Variants in MAP2K4 observed in about 807,000 individuals in gnomAD.
The protein encoded by MAP2K4 is mitogen-activated protein kinase kinase 4.
Under a neutral mutation model 48.5 loss-of-function variants are expected in MAP2K4, and 4 were observed. That is an observed-to-expected ratio of 0.08 (90% CI 0.04 to 0.19). The LOEUF is 0.19. Ranked by LOEUF, MAP2K4 falls within the 10% of genes least tolerant of loss-of-function variation. The pLI is 1.00. For synonymous variants in MAP2K4, 166 were observed against 173.1 expected (o/e 0.96, Z 0.32); for missense variants, 258 against 493.3 (o/e 0.52, Z 4.52).
intron 1 of MAP2K4, among the ~76,000 whole-genome samples, chr17:12,023,872 GGC>G (rs1969172126): frequency 6.6e-6 from 1 of 152,154 alleles, no homozygotes; most frequent in African/African-American, 2.4e-5. Flanking sequence ...CCTCCCCGGT[GGC>G]TTTGAGAATG....
intron 1 of MAP2K4, among the ~76,000 whole-genome samples, chr17:12,041,569 A>G (rs557870497): frequency 2.0e-5 from 3 of 152,312 alleles, no homozygotes; most frequent in East Asian, 3.9e-4. Flanking sequence ...ATGAAATTCT[A>G]TTGTTAGCAT....
chr17:12,089,210 C>T (rs1971483887), intron 3 of MAP2K4, among the ~76,000 whole-genome samples: 1 of 152,152 alleles, frequency 6.6e-6, no homozygotes. Flanking sequence ...CCCTGCCTGG[C>T]TCAGAATACA....
At position 12,076,880 on chromosome 17, in the gene MAP2K4, T is replaced by G. The variant is rs201530069; in HGVS notation, c.219-4476T>G. Among the ~76,000 whole-genome samples, 299 of 152,176 alleles carry G rather than the reference T, an allele frequency of 2.0e-3. 4 individuals carry two copies. Among genetic ancestry groups the G allele is most frequent in the East Asian group, 7.7e-4 (4 of 5,174 alleles). On this transcript the variant is annotated intron_variant, in intron 2 of 10. Transcript: ENST00000353533. ...TTTTGTGTGTGTGTGTGTGTATTTT[T>G]TGTGTGTGTATCTTAATCAAATTGT... is the stretch of plus-strand genomic sequence containing the variant.
At chr17:12,131,921 A>G (rs949514506) in intron 9 of MAP2K4, among the ~76,000 whole-genome samples, 5 of 152,180 alleles carry the variant, frequency 3.3e-5, no homozygotes, top group Non-Finnish European at 7.3e-5. Flanking sequence ...ATAGCAAAAT[A>G]CTTGAAAGGC....
At chr17:12,083,136 A>G (rs912406498) in intron 3 of MAP2K4, among the ~76,000 whole-genome samples, 1 of 152,218 alleles carries the variant, frequency 6.6e-6, no homozygotes, top group East Asian at 1.9e-4. Flanking sequence ...TGTGTGCTTC[A>G]ACTTTGTTGA....
intron 2 of MAP2K4, among the ~76,000 whole-genome samples, chr17:12,074,112 T>A (rs915073750): frequency 2.0e-5 from 3 of 152,166 alleles, no homozygotes; most frequent in African/African-American, 7.2e-5. Context: ...GATTTGGTTA[T>A]TTTTTCTGTC....
chr17:12,114,301 A>C (rs1972408065), intron 7 of MAP2K4, among the ~76,000 whole-genome samples: 1 of 152,128 alleles, frequency 6.6e-6, no homozygotes, highest in Non-Finnish European at 1.5e-5. Context: ...TGCTACTACA[A>C]ATTCAACTTA....
chr17:12,078,836 A>G (rs1018730402), intron 2 of MAP2K4, among the ~76,000 whole-genome samples: 1 of 152,138 alleles, frequency 6.6e-6, no homozygotes, highest in Admixed American at 6.5e-5. Context: ...CCAGTGCTGT[A>G]TCTGTGTATA....
intron 2 of MAP2K4, among the ~76,000 whole-genome samples, chr17:12,074,075 T>C (rs12051595): frequency 0.88 from 134,633 of 152,226 alleles, 61,887 homozygotes; most frequent in East Asian, 1. Context: ...CCTGGCCTCT[T>C]GTTGTAGTTT....
rs538591155 is a variant in MAP2K4, at chr17:12,089,102, C to T, written c.394-6473C>T. Among the ~76,000 whole-genome samples the T allele has an allele frequency of 1.7e-3, 253 of 151,940 alleles. 1 individual carries two copies. Among genetic ancestry groups the T allele is most frequent in the Non-Finnish European group, 2.5e-3 (172 of 67,934 alleles). On this transcript the variant is annotated intron_variant, in intron 3 of 10. Coordinates refer to ENST00000353533, the MANE Select transcript of MAP2K4 (RefSeq NM_003010.4). Reference sequence around the variant, plus strand: ...AATTTTTTTGTATTTTTAGTAGAGACGGGGTTTCACCGTGTTAGCCAGGAT... The same window carrying T: ...AATTTTTTTGTATTTTTAGTAGAGATGGGGTTTCACCGTGTTAGCCAGGAT...
At chr17:12,129,641 AC>A (rs1288122048) in intron 9 of MAP2K4, among the ~76,000 whole-genome samples, 1 of 152,218 alleles carries the variant, frequency 6.6e-6, no homozygotes, top group Non-Finnish European at 1.5e-5. Context: ...CACCAAAATC[AC>A]CTGGAAGCAT....
rs111979169 is a variant in MAP2K4 at position 12,039,768 on chromosome 17, T to C, written c.116-15121T>C. Among the ~76,000 whole-genome samples, 1,163 of 152,342 alleles carry C rather than the reference T, an allele frequency of 7.6e-3. 12 individuals carry two copies. Among genetic ancestry groups the C allele is most frequent in the African/African-American group, 0.025 (1,044 of 41,598 alleles). ...AGGTATGTGCACACATTGTGTTTGG[T>C]TGATATGTCTCTTAAGTTTCTTTAA... On this transcript the variant is annotated intron_variant, in intron 1 of 10. Transcript: ENST00000353533.
Position 12,110,425 on chromosome 17 carries a change from A to G in MAP2K4, c.684A>G (p.Arg228=). Residue 228 remains arginine (R), a splice_region_variant and synonymous_variant, in exon 6 of 11, where the codon AGA becomes AGG. Coordinates refer to ENST00000353533, the MANE Select transcript of MAP2K4 (RefSeq NM_003010.4). ...HLKENLKIIH[R]DIKPSNILLD... Reference sequence around the variant, plus strand: ...AAGAAAACTTGAAAATTATTCACAGAGGTGGGTATGGATTGGTATTTTTTG... The same window carrying G: ...AAGAAAACTTGAAAATTATTCACAGGGGTGGGTATGGATTGGTATTTTTTG... 1.2e-6 allele frequency: 2 copies of G among 1,605,764 alleles called. No individual in the cohort carries two copies. Among genetic ancestry groups the G allele is most frequent in the Non-Finnish European group, 1.7e-6 (2 of 1,173,048 alleles).
At position 12,131,620 on chromosome 17, in the gene MAP2K4, A is replaced by T. The variant is rs187497763; in HGVS notation, c.1040+2333A>T. Among the ~76,000 whole-genome samples, 30 of 152,084 alleles carry T rather than the reference A, an allele frequency of 2.0e-4. No individual in the cohort carries two copies. In the East Asian group the frequency reaches 5.0e-3, roughly 26 times the overall value. Reference sequence around the variant, plus strand: ...AAACTGAATTTCTTCAGTTACATAAATTAAAAGCACATACAGGATAATATG... The same window carrying T: ...AAACTGAATTTCTTCAGTTACATAATTTAAAAGCACATACAGGATAATATG... On this transcript the variant is annotated intron_variant, in intron 9 of 10. Transcript: ENST00000353533.
intron 3 of MAP2K4, among the ~76,000 whole-genome samples, chr17:12,094,636 A>G (rs527761359): frequency 2.6e-5 from 4 of 152,136 alleles, no homozygotes. Flanking sequence ...TAATTTTATT[A>G]TTATTTTTTT....
chr17:12,089,289 T>C (rs1187633489), intron 3 of MAP2K4, among the ~76,000 whole-genome samples: 2 of 152,156 alleles, frequency 1.3e-5, no homozygotes, highest in East Asian at 3.9e-4. Context: ...CACTGAAGTA[T>C]GGGTTTTAGC....
At chr17:12,103,739 T>A (rs1363211333) in intron 4 of MAP2K4, among the ~76,000 whole-genome samples, 1 of 152,138 alleles carries the variant, frequency 6.6e-6, no homozygotes, top group Non-Finnish European at 1.5e-5. Context: ...ATTTTCACAT[T>A]TAAGTAAATG....
chr17:12,026,495 C>T (rs1969256789), intron 1 of MAP2K4, among the ~76,000 whole-genome samples: 1 of 152,202 alleles, frequency 6.6e-6, no homozygotes, highest in South Asian at 2.1e-4. Context: ...ACTTTTTTCA[C>T]TGTTCCTACC....
In MAP2K4 at chr17:12,095,706, C is replaced by T. The variant is rs1472629349; in HGVS notation, c.513+12C>T. ...CACTCTTCAGAGAGGTAGGAATAAACTGGGTTTTAGCTGACTAATGAATAT... is the reference window on the plus strand; with the variant it reads ...CACTCTTCAGAGAGGTAGGAATAAATTGGGTTTTAGCTGACTAATGAATAT... On this transcript the variant is annotated intron_variant, in intron 4 of 10. Coordinates refer to ENST00000353533, the MANE Select transcript of MAP2K4 (RefSeq NM_003010.4). 6.2e-7 allele frequency: 1 copy of T among 1,612,224 alleles called. No homozygotes were observed. The highest frequency in any genetic ancestry group is 8.5e-7 in the Non-Finnish European group (1 of 1,179,446).
Sources: gnomAD v4.1 joint callset for allele counts (sites outside exome capture counted in the v4.1 genomes callset) on GRCh38, gnomAD v4.1.1 for gene constraint, MANE v1.5 for transcripts, NCBI Gene and HGNC (gene_info 2026-07-23, HGNC 2026-07-21) for gene names.